The following CDH18 variants were observed in gnomAD, a reference collection of about 807,000 sequenced individuals.
CDH18 encodes the protein cadherin-18.
Under a neutral mutation model 67.9 loss-of-function variants are expected in CDH18, and 31 were observed. The ratio of observed to expected loss-of-function variants is 0.46; its 90% confidence interval spans 0.34 to 0.62. CDH18 has a LOEUF of 0.62. CDH18 is among the 20% of genes least tolerant of loss of function. The pLI, the probability that CDH18 is intolerant of heterozygous loss-of-function variation, is 0.01. For synonymous variants in CDH18, 362 were observed against 347.2 expected (o/e 1.04, Z -0.48); for missense variants, 890 against 975.5 (o/e 0.91, Z 1.17).
intron 3 of CDH18, among the ~76,000 whole-genome samples, chr5:19,789,027 T>G (rs1427886973): frequency 6.6e-6 from 1 of 152,194 alleles, no homozygotes; most frequent in Non-Finnish European, 1.5e-5. Context: ...GAAGCATGCA[T>G]GCCATCTTCT....
chr5:19,986,099 G>T (rs201030546), intron 1 of CDH18, among the ~76,000 whole-genome samples: 1 of 151,730 alleles, frequency 6.6e-6, no homozygotes, highest in East Asian at 2.1e-4. Flanking sequence ...GGGACAAAAA[G>T]TACTTTATAT....
At chr5:19,865,779 T>C (rs1785417593) in intron 2 of CDH18, among the ~76,000 whole-genome samples, 2 of 152,216 alleles carry the variant, frequency 1.3e-5, no homozygotes, top group South Asian at 4.1e-4. Context: ...GTTTATGTAA[T>C]ACTGCCATTT....
At chr5:20,090,730 GA>G (rs983128749) in intron 2 of CDH18, among the ~76,000 whole-genome samples, 2 of 150,098 alleles carry the variant, frequency 1.3e-5, no homozygotes, top group South Asian at 2.1e-4. Context: ...AAAAAGAAAA[GA>G]AAAAAAAAGA....
intron 2 of CDH18, among the ~76,000 whole-genome samples, chr5:19,904,534 A>T (rs1044172357): frequency 3.3e-5 from 5 of 152,146 alleles, no homozygotes; most frequent in Admixed American, 6.5e-5. Flanking sequence ...ATTATCAGAG[A>T]AAAAGAAACT....
chr5:20,196,073 T>C (rs184391183), intron 2 of CDH18, among the ~76,000 whole-genome samples: 3 of 152,274 alleles, frequency 2.0e-5, no homozygotes, highest in Admixed American at 1.3e-4. Flanking sequence ...TCTAAGTCAA[T>C]GACTGACAGA....
intron 2 of CDH18, among the ~76,000 whole-genome samples, chr5:19,911,481 G>A (rs1229381817): frequency 6.6e-6 from 1 of 152,090 alleles, no homozygotes; most frequent in Non-Finnish European, 1.5e-5. Flanking sequence ...AGTTTTAACT[G>A]CCAATTGGAT....
At chr5:20,298,688 A>T (rs755714876) in intron 1 of CDH18, among the ~76,000 whole-genome samples, 1 of 152,212 alleles carries the variant, frequency 6.6e-6, no homozygotes, top group Non-Finnish European at 1.5e-5. Flanking sequence ...TACTGTTCCA[A>T]AGATAAAGCA....
intron 2 of CDH18, among the ~76,000 whole-genome samples, chr5:20,034,272 AG>A (rs1170584891): frequency 2.0e-5 from 3 of 152,012 alleles, no homozygotes; most frequent in Non-Finnish European, 2.9e-5. Flanking sequence ...CTCTTACGTA[AG>A]CAATTTTAAA....
chr5:19,786,680 C>T (rs1176101336), intron 3 of CDH18, among the ~76,000 whole-genome samples: 1 of 152,106 alleles, frequency 6.6e-6, no homozygotes, highest in Non-Finnish European at 1.5e-5. Context: ...ATGTCCTCAC[C>T]ACACTCTTCA....
At chr5:20,567,996 C>T (rs1365038897) in intron 1 of CDH18, among the ~76,000 whole-genome samples, 2 of 152,170 alleles carry the variant, frequency 1.3e-5, no homozygotes, top group Non-Finnish European at 2.9e-5. Context: ...AATTTAGAAG[C>T]ACTGAGTGTA....
chr5:20,088,286 A>C (rs1358325529), intron 2 of CDH18, among the ~76,000 whole-genome samples: 2 of 152,128 alleles, frequency 1.3e-5, no homozygotes, highest in South Asian at 2.1e-4. Flanking sequence ...CTTTCAGTGA[A>C]TATTTGACTT....
At chr5:19,978,329 T>C (rs1227229041) in intron 2 of CDH18, among the ~76,000 whole-genome samples, 1 of 152,170 alleles carries the variant, frequency 6.6e-6, no homozygotes, top group African/African-American at 2.4e-5. Context: ...GGGTTTCATA[T>C]GACTTTTTCA....
At chr5:19,495,413 T>C (rs1378204676) in intron 11 of CDH18, among the ~76,000 whole-genome samples, 1 of 152,018 alleles carries the variant, frequency 6.6e-6, no homozygotes, top group Non-Finnish European at 1.5e-5. Context: ...CGACAAATTC[T>C]CCCACTAAAA....
intron 5 of CDH18, among the ~76,000 whole-genome samples, chr5:19,620,522 G>T (rs1750532298): frequency 6.6e-6 from 1 of 151,988 alleles, no homozygotes; most frequent in Non-Finnish European, 1.5e-5. Flanking sequence ...GAGAGGGAGA[G>T]ATAGAGAGAA....
At chr5:19,602,247 A>T (rs1355417612) in intron 6 of CDH18, among the ~76,000 whole-genome samples, 2 of 152,168 alleles carry the variant, frequency 1.3e-5, no homozygotes, top group East Asian at 3.9e-4. Context: ...AAACACACAC[A>T]AACTTTTAGA....
intron 5 of CDH18, among the ~76,000 whole-genome samples, chr5:19,681,306 C>A (rs534413341): frequency 4.0e-5 from 6 of 151,812 alleles, no homozygotes; most frequent in Non-Finnish European, 8.8e-5. Flanking sequence ...GCCTAAATGA[C>A]GAAATAATCT....
At chr5:20,288,412 T>C (rs1419727064) in intron 1 of CDH18, among the ~76,000 whole-genome samples, 2 of 150,834 alleles carry the variant, frequency 1.3e-5, no homozygotes, top group Non-Finnish European at 3.0e-5. Context: ...AAAAAAGTGA[T>C]GTATTTAGTT....
intron 3 of CDH18, among the ~76,000 whole-genome samples, chr5:19,811,408 C>A (rs1396749928): frequency 6.6e-6 from 1 of 151,972 alleles, no homozygotes; most frequent in Admixed American, 6.6e-5. Flanking sequence ...GATACACATA[C>A]AGGAAAAAAA....
intron 2 of CDH18, among the ~76,000 whole-genome samples, chr5:19,839,534 C>G (rs1038659616): frequency 2.6e-5 from 4 of 152,078 alleles, no homozygotes; most frequent in African/African-American, 7.2e-5. Flanking sequence ...CTGTATAAGA[C>G]TCATCAAATT....
Sources: allele counts gnomAD v4.1 joint callset (sites outside exome capture counted in the v4.1 genomes callset), GRCh38; gene constraint gnomAD v4.1.1; transcripts MANE v1.5; gene names NCBI Gene and HGNC (gene_info 2026-07-23, HGNC 2026-07-21).